Variants in KCNIP4 observed in about 807,000 individuals in gnomAD.
KCNIP4 encodes the protein potassium voltage-gated channel interacting protein 4.
Under a neutral mutation model 34.0 loss-of-function variants are expected in KCNIP4, and 12 were observed. The ratio of observed to expected loss-of-function variants is 0.35; its 90% CI spans 0.23 to 0.57. The LOEUF (loss-of-function observed/expected upper bound fraction) is 0.57, where lower values mean the gene tolerates loss of function less well. KCNIP4 is among the 20% of genes least tolerant of loss of function. The pLI, the probability that KCNIP4 is intolerant of heterozygous loss-of-function variation, is 0.83. For synonymous variants in KCNIP4, 124 were observed against 102.2 expected (o/e 1.21, Z -1.29); for missense variants, 238 against 311.7 (o/e 0.76, Z 1.78).
At chr4:21,776,713 G>T (rs963040636) in intron 1 of KCNIP4, among the ~76,000 whole-genome samples, 2 of 152,098 alleles carry the variant, frequency 1.3e-5, no homozygotes, top group Non-Finnish European at 2.9e-5. Context: ...GGATCATGGG[G>T]ACAGCTTCCT....
rs1276025698 is a variant in KCNIP4, at chr4:21,291,932, AAAG to A, written c.62-409226_62-409224del. Among the ~76,000 whole-genome samples, 253 of 91,410 alleles carry A rather than the reference AAAG, an allele frequency of 2.8e-3. 7 individuals are homozygous for A. The highest frequency in any genetic ancestry group is 7.9e-3 in the East Asian group (29 of 3,662). The allele number at this position is 91,410 out of a possible 152,430, so 60.0% of individuals were successfully genotyped here. On this transcript the variant is annotated intron_variant, in intron 1 of 8. Transcript: ENST00000382152. Reference sequence around the variant, plus strand: ...GAAAGAAAGAAAGAAAGAAAGAAAGAAAGAAAAAAAAAGAAAAAAGTCTGATGA... The same window carrying A: ...GAAAGAAAGAAAGAAAGAAAGAAAGAAAAAAAAAAGAAAAAAGTCTGATGA...
chr4:21,573,071 A>G (rs999258542), intron 1 of KCNIP4, among the ~76,000 whole-genome samples: 1 of 152,172 alleles, frequency 6.6e-6, no homozygotes, highest in Non-Finnish European at 1.5e-5. Flanking sequence ...TCAGCTATTC[A>G]GAATCATCCC....
chr4:21,098,383 A>G (rs1356968190), intron 1 of KCNIP4, among the ~76,000 whole-genome samples: 1 of 152,220 alleles, frequency 6.6e-6, no homozygotes, highest in African/African-American at 2.4e-5. Context: ...GGAGAAGTCA[A>G]TGTCTGGCTT....
chr4:21,271,059 G>A (rs1324677328), intron 1 of KCNIP4, among the ~76,000 whole-genome samples: 3 of 149,754 alleles, frequency 2.0e-5, no homozygotes, highest in South Asian at 4.2e-4. Context: ...TTTTTTCCTT[G>A]TGAAACAGGA....
At chr4:20,841,624 T>C (rs1719732178) in intron 3 of KCNIP4, among the ~76,000 whole-genome samples, 1 of 152,068 alleles carries the variant, frequency 6.6e-6, no homozygotes, top group East Asian at 1.9e-4. Context: ...TACTTGCTAC[T>C]ACCCTGGTCT....
chr4:21,898,252 G>C (rs112593236), intron 1 of KCNIP4, among the ~76,000 whole-genome samples: 130 of 152,226 alleles, frequency 8.5e-4, no homozygotes, highest in African/African-American at 3.0e-3. Context: ...TGCTGTGCTG[G>C]GCTTGGAGTC....
At position 21,144,566 on chromosome 4, in the gene KCNIP4, A is replaced by G. The variant is rs574671547; in HGVS notation, c.62-261857T>C. 1.9e-3 allele frequency among the ~76,000 whole-genome samples: 294 copies of G among 152,206 alleles called. 11 individuals are homozygous for G. The highest frequency in any genetic ancestry group is 6.5e-4 in the Non-Finnish European group (44 of 68,036). On this transcript the variant is annotated intron_variant, in intron 1 of 8. Transcript: ENST00000382152. Reference sequence around the variant, plus strand: ...TCACAAAACATACTGTAGAGCACACAGTGCTGGAGTCTTGGAGCTGAGAAT... The same window carrying G: ...TCACAAAACATACTGTAGAGCACACGGTGCTGGAGTCTTGGAGCTGAGAAT...
At chr4:21,120,688 C>T (rs759739520) in intron 1 of KCNIP4, among the ~76,000 whole-genome samples, 13 of 152,034 alleles carry the variant, frequency 8.6e-5, no homozygotes, top group Non-Finnish European at 1.5e-4. Context: ...TGAGGGAAAC[C>T]GCCCTCACAA....
At chr4:21,656,001 C>T (rs1747896121) in intron 1 of KCNIP4, among the ~76,000 whole-genome samples, 1 of 152,170 alleles carries the variant, frequency 6.6e-6, no homozygotes, top group South Asian at 2.1e-4. Flanking sequence ...TATTAGTTTG[C>T]TAGTGCTGCT....
At chr4:20,892,498 T>C (rs1009774252) in intron 1 of KCNIP4, among the ~76,000 whole-genome samples, 1 of 152,180 alleles carries the variant, frequency 6.6e-6, no homozygotes, top group African/African-American at 2.4e-5. Flanking sequence ...AATGTCTCTC[T>C]CTGTCTCATT....
intron 1 of KCNIP4, among the ~76,000 whole-genome samples, chr4:21,505,821 G>A (rs358556): frequency 3.3e-5 from 5 of 152,116 alleles, no homozygotes; most frequent in African/African-American, 9.7e-5. Flanking sequence ...AAAATAACTA[G>A]GCCAGATGTG....
chr4:21,397,009 T>C (rs1169486188), intron 1 of KCNIP4, among the ~76,000 whole-genome samples: 1 of 152,222 alleles, frequency 6.6e-6, no homozygotes, highest in Non-Finnish European at 1.5e-5. Context: ...TCTCACAACA[T>C]CTTTTCCCAG....
intron 1 of KCNIP4, among the ~76,000 whole-genome samples, chr4:20,895,697 C>T (rs1491361): frequency 0.72 from 109,283 of 152,030 alleles, 39,553 homozygotes; most frequent in East Asian, 0.84. Context: ...GCCAGGCACC[C>T]GGGAAGAAAA....
At position 21,125,369 on chromosome 4, in the gene KCNIP4, A is replaced by G. The variant is rs570826209; in HGVS notation, c.62-242660T>C. Among the ~76,000 whole-genome samples the G allele has an allele frequency of 2.1e-3, 314 of 151,896 alleles. 2 individuals carry two copies. The highest frequency in any genetic ancestry group is 3.7e-3 in the Non-Finnish European group (250 of 67,968). ...GTAGCAGGGATTAGAGGTGCCCGCC[A>G]CCATGCCCAGTTAATTTTTGTATTT... On this transcript the variant is annotated intron_variant, in intron 1 of 8. Transcript: ENST00000382152.
intron 1 of KCNIP4, among the ~76,000 whole-genome samples, chr4:21,633,136 A>G (rs1006401258): frequency 6.6e-6 from 1 of 152,174 alleles, no homozygotes; most frequent in Non-Finnish European, 1.5e-5. Context: ...TTCTAAAGTT[A>G]TAAGTTTATT....
intron 1 of KCNIP4, among the ~76,000 whole-genome samples, chr4:21,707,805 A>G (rs1577879571): frequency 6.6e-6 from 1 of 152,188 alleles, no homozygotes; most frequent in South Asian, 2.1e-4. Flanking sequence ...TTGAGGGGTC[A>G]GTATGGTTAG....
intron 3 of KCNIP4, among the ~76,000 whole-genome samples, chr4:20,806,930 A>G (rs1715173956): frequency 6.6e-6 from 1 of 152,148 alleles, no homozygotes; most frequent in South Asian, 2.1e-4. Flanking sequence ...GAGCCAATTG[A>G]TATCCAACTA....
chr4:21,090,301 C>A (rs1746881624), intron 1 of KCNIP4, among the ~76,000 whole-genome samples: 1 of 152,166 alleles, frequency 6.6e-6, no homozygotes, highest in Non-Finnish European at 1.5e-5. Flanking sequence ...CACAGTGTGA[C>A]ACAGATAGAT....
At chr4:21,835,240 A>C (rs902249115) in intron 1 of KCNIP4, among the ~76,000 whole-genome samples, 1 of 152,154 alleles carries the variant, frequency 6.6e-6, no homozygotes, top group African/African-American at 2.4e-5. Flanking sequence ...AAAGAGTGAA[A>C]AGACAAACCA....
Sources: gnomAD v4.1 joint callset for allele counts (sites outside exome capture counted in the v4.1 genomes callset) on GRCh38, gnomAD v4.1.1 for gene constraint, MANE v1.5 for transcripts, NCBI Gene and HGNC (gene_info 2026-07-23, HGNC 2026-07-21) for gene names.